Variants in FAF1 observed in about 807,000 individuals in gnomAD.
FAF1 encodes the protein FAS-associated factor 1.
Under a neutral mutation model 92.5 loss-of-function variants are expected in FAF1, and 25 were observed. The ratio of observed to expected loss-of-function variants is 0.27; its 90% CI spans 0.20 to 0.38. The LOEUF is 0.38. Among genes scored for constraint, FAF1 ranks in the 10% least tolerant of loss-of-function variants. FAF1 has a pLI of 1.00. For synonymous variants in FAF1, 234 were observed against 273.2 expected, an observed-to-expected ratio of 0.86 and a Z score of 1.42; for missense variants, 636 against 793.3, an observed-to-expected ratio of 0.80 and a Z score of 2.38.
intron 10 of FAF1, among the ~76,000 whole-genome samples, chr1:50,584,345 A>G (rs1651125333): frequency 6.6e-6 from 1 of 152,124 alleles, no homozygotes; most frequent in Admixed American, 6.6e-5. Flanking sequence ...GATATCTCTA[A>G]TAAGATGTGG....
intron 1 of FAF1, among the ~76,000 whole-genome samples, chr1:50,923,793 G>C (rs533453640): frequency 6.6e-6 from 1 of 152,054 alleles, no homozygotes; most frequent in Non-Finnish European, 1.5e-5. Context: ...AATAAATACA[G>C]TACATCAAAA....
chr1:50,908,974 T>C (rs571126588), intron 1 of FAF1, among the ~76,000 whole-genome samples: 1 of 152,166 alleles, frequency 6.6e-6, no homozygotes, highest in Non-Finnish European at 1.5e-5. Flanking sequence ...TAGCATCGAT[T>C]GTCTTTACAA....
intron 4 of FAF1, among the ~76,000 whole-genome samples, chr1:50,757,345 T>C (rs1660117117): frequency 6.6e-6 from 1 of 152,244 alleles, no homozygotes; most frequent in Non-Finnish European, 1.5e-5. Flanking sequence ...AATTTATCCA[T>C]TCCTTACTTC....
At chr1:50,525,794 C>T (rs978085551) in intron 15 of FAF1, among the ~76,000 whole-genome samples, 2 of 151,736 alleles carry the variant, frequency 1.3e-5, no homozygotes, top group African/African-American at 4.8e-5. Flanking sequence ...TTTTCTGTGT[C>T]AGTTGACTCT....
intron 7 of FAF1, among the ~76,000 whole-genome samples, chr1:50,704,273 T>C (rs1657586404): frequency 6.6e-6 from 1 of 151,894 alleles, no homozygotes; most frequent in Non-Finnish European, 1.5e-5. Flanking sequence ...TAACAGAAAC[T>C]AGGGGTGGGG....
chr1:50,476,875 T>C (rs1256018977), intron 17 of FAF1, among the ~76,000 whole-genome samples: 1 of 151,928 alleles, frequency 6.6e-6, no homozygotes, highest in Non-Finnish European at 1.5e-5. Context: ...AAGAAATATA[T>C]AACTAGTCAG....
intron 8 of FAF1, among the ~76,000 whole-genome samples, chr1:50,630,257 G>T (rs929051753): frequency 3.3e-5 from 5 of 152,232 alleles, no homozygotes; most frequent in African/African-American, 1.2e-4. Flanking sequence ...ATGTTTAGTT[G>T]TAAGACATAT....
At chr1:50,886,003 T>C (rs1327384824) in intron 1 of FAF1, among the ~76,000 whole-genome samples, 2 of 152,238 alleles carry the variant, frequency 1.3e-5, no homozygotes, top group Non-Finnish European at 2.9e-5. Flanking sequence ...CCCCCTCTTT[T>C]TAACTTTTTG....
At chr1:50,928,966 T>C (rs1645027940) in intron 1 of FAF1, among the ~76,000 whole-genome samples, 1 of 149,790 alleles carries the variant, frequency 6.7e-6, no homozygotes, top group African/African-American at 2.5e-5. Flanking sequence ...GCATCTGTGG[T>C]GCCAGCTGCA....
chr1:50,466,897 C>A (rs1362442928), intron 18 of FAF1, among the ~76,000 whole-genome samples: 1 of 152,136 alleles, frequency 6.6e-6, no homozygotes, highest in Non-Finnish European at 1.5e-5. Context: ...CTCAAGCTGC[C>A]CTAGCTGGTG....
At chr1:50,502,402 C>A (rs770210377) in intron 15 of FAF1, among the ~76,000 whole-genome samples, 2 of 152,144 alleles carry the variant, frequency 1.3e-5, no homozygotes, top group East Asian at 1.9e-4. Context: ...TAGCTTAGCC[C>A]GCTTGATTTT....
chr1:50,874,541 C>G (rs1271871004), intron 1 of FAF1, among the ~76,000 whole-genome samples: 1 of 151,844 alleles, frequency 6.6e-6, no homozygotes, highest in African/African-American at 2.4e-5. Context: ...CTTTACTTTT[C>G]GTAGAAATGG....
chr1:50,589,644 T>C (rs1651408506), intron 9 of FAF1, among the ~76,000 whole-genome samples: 1 of 152,218 alleles, frequency 6.6e-6, no homozygotes, highest in Non-Finnish European at 1.5e-5. Flanking sequence ...TTAACTCCAT[T>C]GCTAGTGTTT....
intron 2 of FAF1, among the ~76,000 whole-genome samples, chr1:50,857,086 A>T (rs540852317): frequency 6.6e-6 from 1 of 151,814 alleles, no homozygotes; most frequent in Non-Finnish European, 1.5e-5. Context: ...ATCTCATTTC[A>T]TTACATTAAG....
chr1:50,713,168 A>G (rs891620236), intron 6 of FAF1, among the ~76,000 whole-genome samples: 65 of 151,388 alleles, frequency 4.3e-4, no homozygotes, highest in Non-Finnish European at 1.9e-4. Flanking sequence ...AAAAAAAAAA[A>G]AAAAAAAAAA....
At chr1:50,505,709 G>A (rs1486396311) in intron 15 of FAF1, among the ~76,000 whole-genome samples, 1 of 152,192 alleles carries the variant, frequency 6.6e-6, no homozygotes, top group Admixed American at 6.5e-5. Flanking sequence ...TACAATGACA[G>A]AGTTAAGTAG....
At chr1:50,939,524 G>C (rs1293491199) in intron 1 of FAF1, among the ~76,000 whole-genome samples, 2 of 152,268 alleles carry the variant, frequency 1.3e-5, no homozygotes, top group East Asian at 3.9e-4. Context: ...TTGAATGCCT[G>C]CTCTGGCTAG....
chr1:50,932,496 T>C (rs1055028620), intron 1 of FAF1, among the ~76,000 whole-genome samples: 3 of 152,232 alleles, frequency 2.0e-5, no homozygotes, highest in African/African-American at 7.2e-5. Flanking sequence ...AGGTCTCACA[T>C]TCAGGTCACA....
intron 3 of FAF1, among the ~76,000 whole-genome samples, chr1:50,793,050 C>T (rs577450824): frequency 1.3e-5 from 2 of 151,790 alleles, no homozygotes; most frequent in African/African-American, 4.8e-5. Context: ...TTTTAAGGAA[C>T]AAAATTAAAG....
Sources: allele counts gnomAD v4.1 joint callset (sites outside exome capture counted in the v4.1 genomes callset), GRCh38; gene constraint gnomAD v4.1.1; transcripts MANE v1.5; gene names NCBI Gene and HGNC (gene_info 2026-07-23, HGNC 2026-07-21).